HDAC4: variants seen among roughly 807,000 people sequenced by gnomAD.
HDAC4 encodes histone deacetylase 4.
In HDAC4, 16 loss-of-function variants were observed where a neutral mutation model predicts 135.1. The observed-to-expected ratio is 0.12, with a 90% confidence interval of 0.08 to 0.18. The LOEUF is 0.18. Among genes scored for constraint, HDAC4 ranks in the 10% least tolerant of loss-of-function variants. The pLI, the probability that HDAC4 is intolerant of heterozygous loss-of-function variation, is 1.00. For synonymous variants in HDAC4, 685 were observed against 653.4 expected, an observed-to-expected ratio of 1.05 and a Z score of -0.74; for missense variants, 1,143 against 1,511.8, an observed-to-expected ratio of 0.76 and a Z score of 4.05.
chr2:239,116,562 G>A (rs1575083786), intron 12 of HDAC4, among the ~76,000 whole-genome samples: 2 of 152,316 alleles, frequency 1.3e-5, no homozygotes, highest in South Asian at 4.1e-4. Flanking sequence ...CATGGCTCCT[G>A]GGAGGCCCCC....
In HDAC4 at chr2:239,303,662, C is replaced by A. The variant is rs2052403131; in HGVS notation, c.22+49016G>T. On this transcript the variant is annotated intron_variant, in intron 2 of 26. Coordinates refer to ENST00000543185, the MANE Select transcript of HDAC4 (RefSeq NM_001378414.1). The surrounding 1 kb of genome is among the most constrained non-coding windows in gnomAD (Gnocchi z 5.1). ...GAGCTGCTGCCTCAAGTAAAAAATT[C>A]AAGTCAGCCCTGATGCTGTCCATGT... Among the ~76,000 whole-genome samples, 1 of 151,980 alleles carries A rather than the reference C, an allele frequency of 6.6e-6. No individual in the cohort carries two copies. The highest frequency in any genetic ancestry group is 2.4e-5 in the African/African-American group (1 of 41,378).
intron 1 of HDAC4, among the ~76,000 whole-genome samples, chr2:239,388,613 T>G (rs534201136): frequency 6.6e-6 from 1 of 152,216 alleles, no homozygotes; most frequent in Admixed American, 6.5e-5. Context: ...GGGCCCCCCT[T>G]TGGCAGCCAT....
At chr2:239,342,226 TA>T (rs953809342) in intron 2 of HDAC4, among the ~76,000 whole-genome samples, 130 of 145,514 alleles carry the variant, frequency 8.9e-4, no homozygotes, top group Middle Eastern at 7.2e-3. Context: ...AATTTAAAAT[TA>T]AAAAAAAAAA....
intron 2 of HDAC4, among the ~76,000 whole-genome samples, chr2:239,336,728 C>T (rs929147627): frequency 5.3e-5 from 8 of 152,198 alleles, no homozygotes; most frequent in African/African-American, 7.2e-5. Flanking sequence ...ACATTCCCCG[C>T]GATTATTAGC....
intron 5 of HDAC4, among the ~76,000 whole-genome samples, chr2:239,174,362 A>G (rs2043626249): frequency 6.6e-6 from 1 of 151,810 alleles, no homozygotes; most frequent in African/African-American, 2.4e-5. Flanking sequence ...TGGGCAAGAG[A>G]CTGGAACAAG....
Position 239,110,560 on chromosome 2 carries a change from T to C in HDAC4, c.1978+966A>G, listed in dbSNP as rs543060738. On this transcript the variant is annotated intron_variant, in intron 14 of 26. Coordinates refer to ENST00000543185, the MANE Select transcript of HDAC4 (RefSeq NM_001378414.1). The stretch of plus-strand genomic sequence containing the variant: ...AGCAGCATTTTACTTGCTGGATACC[T>C]ACTCTGGAAATTTGTCTCTGAATAT... Among the ~76,000 whole-genome samples, 132 of 152,380 alleles carry C rather than the reference T, an allele frequency of 8.7e-4. 1 individual carries two copies. The highest frequency in any genetic ancestry group is 3.1e-3 in the African/African-American group (127 of 41,592).
chr2:239,130,066 C>T (rs1445037988), intron 11 of HDAC4, among the ~76,000 whole-genome samples: 1 of 152,192 alleles, frequency 6.6e-6, no homozygotes, highest in African/African-American at 2.4e-5. Flanking sequence ...CTGGTGTATT[C>T]CATTGCTTTT....
At chr2:239,095,658 G>A (rs1419895318) in intron 16 of HDAC4, among the ~76,000 whole-genome samples, 1 of 152,156 alleles carries the variant, frequency 6.6e-6, no homozygotes, top group Non-Finnish European at 1.5e-5. Flanking sequence ...CTCCTCCCAT[G>A]GAAATCGGGG....
rs2041787142 is a variant in HDAC4 at position 239,146,704 on chromosome 2, A to ACTCCCCTCCCCTTCCCTCCT, written c.734-2010_734-1991dup. Among the ~76,000 whole-genome samples, 1 of 71,158 alleles carries ACTCCCCTCCCCTTCCCTCCT rather than the reference A, an allele frequency of 1.4e-5. No individual in the cohort carries two copies. The highest frequency in any genetic ancestry group is 5.2e-4 in the South Asian group (1 of 1,934). 46.7% of individuals were successfully genotyped at this position (71,158 alleles called of 152,430 possible). On this transcript the variant is annotated intron_variant, in intron 7 of 26. Transcript: ENST00000543185. The surrounding 1 kb of genome is among the most constrained non-coding windows in gnomAD (Gnocchi z 4.5). ...CTGCTTCACCCCACCCCTTCCCTCC[A>ACTCCCCTCCCCTTCCCTCCT]CTCCCCTCCCCTTCCCTCCTCTCCC...
chr2:239,114,397 T>C (rs1369910637), intron 13 of HDAC4, among the ~76,000 whole-genome samples: 1 of 152,182 alleles, frequency 6.6e-6, no homozygotes, highest in Non-Finnish European at 1.5e-5. Flanking sequence ...GGAAGCCACT[T>C]TCCTGAGGGC....
chr2:239,225,307 A>C (rs929457361), intron 3 of HDAC4, among the ~76,000 whole-genome samples: 6 of 152,268 alleles, frequency 3.9e-5, no homozygotes, highest in Non-Finnish European at 7.3e-5. Context: ...TCCATCCGAA[A>C]GGAAGAAGGG....
intron 22 of HDAC4, among the ~76,000 whole-genome samples, chr2:239,077,188 C>T (rs543575009): frequency 6.6e-6 from 1 of 152,380 alleles, no homozygotes; most frequent in East Asian, 1.9e-4. Flanking sequence ...CAGTCAGAGG[C>T]CCCGATAGAG....
chr2:239,384,115 C>T (rs1389416190), intron 1 of HDAC4, among the ~76,000 whole-genome samples: 1 of 152,222 alleles, frequency 6.6e-6, no homozygotes, highest in Non-Finnish European at 1.5e-5. Flanking sequence ...AGGCAGAAAA[C>T]CCAGGGGGAC....
intron 9 of HDAC4, among the ~76,000 whole-genome samples, chr2:239,136,543 C>T (rs556086756): frequency 3.5e-4 from 53 of 152,330 alleles, no homozygotes; most frequent in African/African-American, 1.2e-3. Flanking sequence ...GCAACTGGGA[C>T]TCTGCTCAAC....
rs771889357 is a variant in HDAC4 at position 239,141,345 on chromosome 2, G to T, written c.866-1549C>A. Among the ~76,000 whole-genome samples the T allele has an allele frequency of 1.3e-5, 2 of 152,298 alleles. No individual in the cohort carries two copies. The highest frequency in any genetic ancestry group is 2.4e-5 in the African/African-American group (1 of 41,574). Reference sequence around the variant, plus strand: ...TCCCCATGGCTCTTGGAGCTCAAAAGAGTGTGGGGTCAGCTCACTGTCCTG... The same window carrying T: ...TCCCCATGGCTCTTGGAGCTCAAAATAGTGTGGGGTCAGCTCACTGTCCTG... On this transcript the variant is annotated intron_variant, in intron 8 of 26. Transcript: ENST00000543185. The surrounding 1 kb of genome is among the most constrained non-coding windows in gnomAD (Gnocchi z 4.9).
chr2:239,311,629 AG>A (rs2052884035), intron 2 of HDAC4, among the ~76,000 whole-genome samples: 1 of 152,314 alleles, frequency 6.6e-6, no homozygotes, highest in Non-Finnish European at 1.5e-5. Context: ...ATGACAGGAA[AG>A]GACAGCTCAG....
intron 2 of HDAC4, among the ~76,000 whole-genome samples, chr2:239,264,281 G>C (rs1015471272): frequency 1.3e-5 from 2 of 152,232 alleles, no homozygotes; most frequent in Non-Finnish European, 2.9e-5. Context: ...GCGCCTGCCA[G>C]GTTCCATTCA....
intron 3 of HDAC4, among the ~76,000 whole-genome samples, chr2:239,223,767 C>T (rs1443579668): frequency 6.6e-6 from 1 of 151,950 alleles, no homozygotes; most frequent in African/African-American, 2.4e-5. Flanking sequence ...AGCAAAGATC[C>T]CGGAGCCAGT....
At chr2:239,162,766 G>A (rs2042891391) in intron 6 of HDAC4, among the ~76,000 whole-genome samples, 1 of 152,186 alleles carries the variant, frequency 6.6e-6, no homozygotes, top group Non-Finnish European at 1.5e-5. Context: ...GGAGGACGTG[G>A]GCCACCTGTG....
Sources: allele counts gnomAD v4.1 joint callset (sites outside exome capture counted in the v4.1 genomes callset), GRCh38; gene constraint gnomAD v4.1.1; non-coding constraint Gnocchi (gnomAD v3.1); transcripts MANE v1.5; gene names NCBI Gene and HGNC (gene_info 2026-07-23, HGNC 2026-07-21).